SV2C: variants seen among roughly 807,000 people sequenced by gnomAD.
The protein encoded by SV2C is solute carrier family 22 member B3.
A neutral mutation model predicts 79.7 loss-of-function variants in SV2C; 49 were observed. The ratio of observed to expected loss-of-function variants is 0.61; its 90% CI spans 0.49 to 0.78. The LOEUF (loss-of-function observed/expected upper bound fraction) is 0.78. SV2C is among the 30% of genes least tolerant of loss of function. SV2C has a pLI of 0.00. For missense variants in SV2C, 833 were observed against 912.9 expected (o/e 0.91, Z 1.13); for synonymous variants, 334 against 333.2 (o/e 1.00, Z -0.03).
At chr5:76,101,796 T>C (rs1747749109) in intron 1 of SV2C, among the ~76,000 whole-genome samples, 1 of 152,218 alleles carries the variant, frequency 6.6e-6, no homozygotes, top group Non-Finnish European at 1.5e-5. Flanking sequence ...GGCACATGAA[T>C]GTCTCTGCTA....
intron 1 of SV2C, among the ~76,000 whole-genome samples, chr5:76,084,641 C>T (rs1246443880): frequency 1.4e-5 from 2 of 141,992 alleles, no homozygotes; most frequent in Non-Finnish European, 3.0e-5. Flanking sequence ...TGGGGGCGCT[C>T]GCGTCACCTT....
chr5:75,962,317 G>A, the SV2C span, among the ~76,000 whole-genome samples: 1 of 152,138 alleles, frequency 6.6e-6, no homozygotes, highest in African/African-American at 2.4e-5. Flanking sequence ...TTGTTCAGAT[G>A]CAAGGGTGGT....
chr5:76,121,780 T>C (rs1748506311), intron 1 of SV2C, among the ~76,000 whole-genome samples: 1 of 151,858 alleles, frequency 6.6e-6, no homozygotes, highest in African/African-American at 2.4e-5. Flanking sequence ...AGCCTTGTAG[T>C]ATAGTTTGAA....
At chr5:75,957,205 T>C in the SV2C span, among the ~76,000 whole-genome samples, 44 of 152,054 alleles carry the variant, frequency 2.9e-4, no homozygotes, top group African/African-American at 1.0e-3. Context: ...GATAAGATAG[T>C]AAATCAGGAG....
intron 12 of SV2C, among the ~76,000 whole-genome samples, chr5:76,309,908 T>C (rs1580058662): frequency 6.6e-6 from 1 of 152,250 alleles, no homozygotes; most frequent in Non-Finnish European, 1.5e-5. Context: ...TGGGCTGTGG[T>C]CAAGAAGGTA....
chr5:75,888,227 C>G, the SV2C span, among the ~76,000 whole-genome samples: 1 of 151,866 alleles, frequency 6.6e-6, no homozygotes, highest in South Asian at 2.1e-4. Context: ...TCCGCTGCAA[C>G]CAGGTGGGGG....
chr5:76,140,924 T>C (rs760719757), intron 2 of SV2C, among the ~76,000 whole-genome samples: 2 of 152,200 alleles, frequency 1.3e-5, no homozygotes, highest in Admixed American at 6.5e-5. Flanking sequence ...GTGATCCTAA[T>C]TGGAGTTAAA....
intron 12 of SV2C, among the ~76,000 whole-genome samples, chr5:76,308,337 G>A (rs980828363): frequency 6.6e-6 from 1 of 152,144 alleles, no homozygotes; most frequent in Non-Finnish European, 1.5e-5. Context: ...GGGAGGGAGG[G>A]AAGGAGGAGC....
At chr5:76,047,744 T>C in the SV2C span, among the ~76,000 whole-genome samples, 5 of 151,570 alleles carry the variant, frequency 3.3e-5, no homozygotes, top group African/African-American at 1.2e-4. Context: ...GTTAACAATA[T>C]ACCGTATTCT....
the SV2C span, among the ~76,000 whole-genome samples, chr5:76,037,443 T>G: frequency 1.4e-3 from 217 of 152,310 alleles, no homozygotes; most frequent in African/African-American, 5.2e-3. Flanking sequence ...GTCCTTTCTG[T>G]TTGTTAGTTT....
chr5:76,270,554 A>C (rs1159271565), intron 4 of SV2C, among the ~76,000 whole-genome samples: 1 of 152,180 alleles, frequency 6.6e-6, no homozygotes, highest in East Asian at 1.9e-4. Context: ...TTGCAAGTCT[A>C]TGGGAAACTG....
chr5:76,295,004 T>C (rs571213305), intron 8 of SV2C, among the ~76,000 whole-genome samples: 73 of 152,136 alleles, frequency 4.8e-4, no homozygotes, highest in Non-Finnish European at 9.9e-4. Flanking sequence ...ATCCCAGGAG[T>C]TTGTACCACC....
At chr5:76,215,029 CT>C (rs1480102323) in intron 4 of SV2C, among the ~76,000 whole-genome samples, 1 of 152,138 alleles carries the variant, frequency 6.6e-6, no homozygotes. Context: ...CCTAATTGCT[CT>C]GGCTAGGACT....
the SV2C span, chr5:75,911,647 C>G: frequency 2.9e-6 from 2 of 699,718 alleles, no homozygotes; most frequent in Non-Finnish European, 5.4e-6. Flanking sequence ...CAATCAGAAC[C>G]CCGAAGAACT....
chr5:76,061,488 T>C, the SV2C span, among the ~76,000 whole-genome samples: 1 of 152,100 alleles, frequency 6.6e-6, no homozygotes, highest in African/African-American at 2.4e-5. Flanking sequence ...TAATAATTTC[T>C]CAAAGTCTGG....
intron 4 of SV2C, among the ~76,000 whole-genome samples, chr5:76,262,064 C>T (rs1746487275): frequency 1.3e-5 from 2 of 152,128 alleles, no homozygotes; most frequent in Admixed American, 6.6e-5. Context: ...GCTGTGAATC[C>T]GTCTGGTCCT....
chr5:76,249,029 C>G (rs1178567525), intron 4 of SV2C, among the ~76,000 whole-genome samples: 1 of 152,158 alleles, frequency 6.6e-6, no homozygotes, highest in Non-Finnish European at 1.5e-5. Flanking sequence ...GTGGTTGCAA[C>G]TGGACCATTC....
At chr5:76,308,636 A>G (rs1350327198) in intron 12 of SV2C, among the ~76,000 whole-genome samples, 1 of 152,004 alleles carries the variant, frequency 6.6e-6, no homozygotes, top group Non-Finnish European at 1.5e-5. Flanking sequence ...TTCTGTGCCT[A>G]TTGGCATTTC....
At chr5:76,006,417 T>C in the SV2C span, among the ~76,000 whole-genome samples, 77,922 of 152,072 alleles carry the variant, frequency 0.51, 20,953 homozygotes, top group Middle Eastern at 0.71. Flanking sequence ...TATTCTGCAG[T>C]GTACAATATG....
Sources: gnomAD v4.1 joint callset for allele counts (sites outside exome capture counted in the v4.1 genomes callset) on GRCh38, gnomAD v4.1.1 for gene constraint, MANE v1.5 for transcripts, NCBI Gene and HGNC (gene_info 2026-07-23, HGNC 2026-07-21) for gene names.